Variants in CFAP20DC observed in about 807,000 individuals in gnomAD.
CFAP20DC encodes the protein protein CFAP20DC.
A neutral mutation model predicts 101.7 loss-of-function variants in CFAP20DC; 84 were observed. The observed-to-expected ratio is 0.83, with a 90% CI of 0.69 to 0.99. The LOEUF is 0.99. CFAP20DC is among the 50% of genes least tolerant of loss of function. The probability of loss-of-function intolerance (pLI) is 0.00; values close to 1 mark genes in which losing one functional copy is unlikely to be tolerated. For missense variants in CFAP20DC, 1,007 were observed against 970.3 expected, an observed-to-expected ratio of 1.04 and a Z score of -0.50; for synonymous variants, 359 against 351.2, an observed-to-expected ratio of 1.02 and a Z score of -0.25.
At chr3:58,785,980 CA>C (rs1178690839) in intron 15 of CFAP20DC, among the ~76,000 whole-genome samples, 1 of 152,076 alleles carries the variant, frequency 6.6e-6, no homozygotes, top group Non-Finnish European at 1.5e-5. Flanking sequence ...CCTTGAAAGC[CA>C]AAAACTGCTT....
intron 6 of CFAP20DC, among the ~76,000 whole-genome samples, chr3:58,891,156 A>T (rs903610200): frequency 1.5e-4 from 22 of 151,594 alleles, no homozygotes; most frequent in African/African-American, 5.3e-4. Flanking sequence ...AGTGAACGAG[A>T]CTCCGTCTGC....
intron 12 of CFAP20DC, chr3:58,862,248 T>C (rs550655584): frequency 1.0e-6 from 1 of 985,318 alleles, no homozygotes. Flanking sequence ...GAGTCTATTC[T>C]ATTCATAAAA....
chr3:58,800,024 G>A (rs1575672908), intron 15 of CFAP20DC, among the ~76,000 whole-genome samples: 1 of 152,254 alleles, frequency 6.6e-6, no homozygotes, highest in East Asian at 1.9e-4. Context: ...GAAAGAGAAG[G>A]AACCAGTAGA....
chr3:58,836,412 A>C (rs150564202), intron 13 of CFAP20DC, among the ~76,000 whole-genome samples: 63 of 152,198 alleles, frequency 4.1e-4, no homozygotes, highest in African/African-American at 1.2e-3. Flanking sequence ...GAATAGTTTA[A>C]TCAATCAAAC....
At chr3:58,935,573 G>A (rs1162847435) in intron 5 of CFAP20DC, among the ~76,000 whole-genome samples, 1 of 152,062 alleles carries the variant, frequency 6.6e-6, no homozygotes, top group Non-Finnish European at 1.5e-5. Context: ...TACCAAAACA[G>A]AGATATAGAT....
At chr3:58,911,944 G>A (rs1217096008) in intron 6 of CFAP20DC, among the ~76,000 whole-genome samples, 1 of 152,056 alleles carries the variant, frequency 6.6e-6, no homozygotes, top group Non-Finnish European at 1.5e-5. Context: ...TTGCCAGTAT[G>A]TAAAGCTGCA....
intron 4 of CFAP20DC, among the ~76,000 whole-genome samples, chr3:58,997,247 C>T (rs968453901): frequency 2.0e-5 from 3 of 152,116 alleles, no homozygotes; most frequent in Non-Finnish European, 4.4e-5. Context: ...ATTTAATCCT[C>T]ATTAAAAAAC....
intron 4 of CFAP20DC, among the ~76,000 whole-genome samples, chr3:59,024,194 A>T (rs2093853194): frequency 1.3e-5 from 2 of 152,194 alleles, no homozygotes; most frequent in African/African-American, 4.8e-5. Flanking sequence ...AATTAAAGGG[A>T]GTCTAATAAT....
rs2076415143 is a variant in CFAP20DC, at chr3:58,831,860, G to A, written c.2001C>T (p.Ser667=). The A allele has an allele frequency of 6.2e-7, 1 of 1,613,862 alleles. No homozygotes were observed. The highest frequency in any genetic ancestry group is 1.7e-5 in the Admixed American group (1 of 59,956). ...TCTGTAACTCGGATTCACTCATCTG[G>A]CTTGGCTGATAGTTTCGCCAGTCAT... ...SEYDWRNYQP[S]QMSESELQML... is the part of the protein sequence containing the mutation. Residue 667 remains serine, a synonymous_variant, in exon 14 of 17, where the codon AGC becomes AGT. Transcript: ENST00000482387.
intron 5 of CFAP20DC, among the ~76,000 whole-genome samples, chr3:58,936,308 A>C (rs2087597964): frequency 6.6e-6 from 1 of 152,140 alleles, no homozygotes; most frequent in South Asian, 2.1e-4. Context: ...AAATAGGAAC[A>C]ATTTTACACT....
intron 14 of CFAP20DC, among the ~76,000 whole-genome samples, chr3:58,812,902 C>G (rs2074782657): frequency 6.6e-6 from 1 of 151,650 alleles, no homozygotes; most frequent in Admixed American, 6.6e-5. Context: ...AATTTTTATG[C>G]TGTTAACATT....
intron 3 of CFAP20DC, among the ~76,000 whole-genome samples, chr3:58,720,458 CT>C: frequency 6.6e-6 from 1 of 152,164 alleles, no homozygotes. Flanking sequence ...CTAATACTCC[CT>C]GGGCTCTAAG....
At chr3:58,943,462 C>T (rs1428100912) in intron 4 of CFAP20DC, among the ~76,000 whole-genome samples, 1 of 152,142 alleles carries the variant, frequency 6.6e-6, no homozygotes, top group Non-Finnish European at 1.5e-5. Context: ...AAAACTTCAG[C>T]AGACCTACAG....
rs1390749577 is a variant in CFAP20DC at position 58,899,266 on chromosome 3, T to C, written c.550+14442A>G. Among the ~76,000 whole-genome samples the C allele has an allele frequency of 6.6e-6, 1 of 152,226 alleles. No homozygotes were observed. The highest frequency in any genetic ancestry group is 1.5e-5 in the Non-Finnish European group (1 of 68,036). On this transcript the variant is annotated intron_variant, in intron 6 of 16. Coordinates refer to ENST00000482387, the MANE Select transcript of CFAP20DC (RefSeq NM_001394063.1). The surrounding 1 kb of genome is among the most constrained non-coding windows in gnomAD (Gnocchi z 5.0). ...CCTTCCTTGTCCAGGCTGTCTGGAC[T>C]CTCCAGAGCTGGCAGGTTGGAACTG...
At chr3:58,878,150 C>A (rs542451587) in intron 7 of CFAP20DC, among the ~76,000 whole-genome samples, 11 of 152,018 alleles carry the variant, frequency 7.2e-5, no homozygotes, top group Admixed American at 1.3e-4. Context: ...GAAAACACAA[C>A]GAAAAGAAAA....
intron 15 of CFAP20DC, among the ~76,000 whole-genome samples, chr3:58,765,507 A>ACAAAAAAAAAAAAAAAAAC (rs2070222918): frequency 6.1e-5 from 9 of 146,652 alleles, no homozygotes; most frequent in African/African-American, 1.5e-4. Flanking sequence ...AAAAAAAAAA[A>ACAAAAAAAAAAAAAAAAAC]CAAACAGAAA....
intron 16 of CFAP20DC, among the ~76,000 whole-genome samples, chr3:58,746,563 A>G (rs971054700): frequency 1.2e-4 from 18 of 152,190 alleles, no homozygotes; most frequent in African/African-American, 4.3e-4. Flanking sequence ...GGTAGATCCA[A>G]TTCATTAGTA....
At position 58,806,305 on chromosome 3, in the gene CFAP20DC, TG is replaced by T. The variant is rs2107731007; in HGVS notation, c.2237+89del. 1.7e-5 allele frequency: 15 copies of T among 883,674 alleles called. No individual in the cohort carries two copies. The South Asian group carries it at 2.2e-4, about 13-fold the overall frequency. The allele number at this position is 883,674 out of a possible 1,614,324, so 54.7% of individuals were successfully genotyped here. ...ACATAAGTTTGGAAGCTAGAAGTTTTGGAAAACAATTTCAGAAAACCAAGAA... is the reference window on the plus strand; with the variant it reads ...ACATAAGTTTGGAAGCTAGAAGTTTTGAAAACAATTTCAGAAAACCAAGAA... On this transcript the variant is annotated intron_variant, in intron 15 of 16. Coordinates refer to ENST00000482387, the MANE Select transcript of CFAP20DC (RefSeq NM_001394063.1).
chr3:58,722,087 G>A lies in CFAP20DC; in HGVS notation c.198-4459C>T, dbSNP rs1460512453. Among the ~76,000 whole-genome samples the A allele has an allele frequency of 6.6e-6, 1 of 152,130 alleles. No individual in the cohort carries two copies. Among genetic ancestry groups the A allele is most frequent in the African/African-American group, 2.4e-5 (1 of 41,426 alleles). On this transcript the variant is annotated intron_variant, in intron 3 of 3. Coordinates refer to the CFAP20DC transcript ENST00000486145. This position sits in a 1 kb window ranked among gnomAD's most constrained non-coding sequence, Gnocchi z 4.5. ...TTTGCTTTCTGGATGCTCCTCTTGG[G>A]AGCCAGCTGCCATTCTGGGAGAGAG...
Sources: allele counts gnomAD v4.1 joint callset (sites outside exome capture counted in the v4.1 genomes callset), GRCh38; gene constraint gnomAD v4.1.1; non-coding constraint Gnocchi (gnomAD v3.1); transcripts MANE v1.5; gene names NCBI Gene and HGNC (gene_info 2026-07-23, HGNC 2026-07-21).